SYT16: variants seen among roughly 807,000 people sequenced by gnomAD.
SYT16 encodes synaptotagmin 16, also known as synaptotagmin-16.
A neutral mutation model predicts 61.4 loss-of-function variants in SYT16; 42 were observed. That is an observed-to-expected ratio of 0.68 (90% confidence interval 0.53 to 0.89). The LOEUF is 0.89. Among genes scored for constraint, SYT16 ranks in the 40% least tolerant of loss-of-function variants. The probability of loss-of-function intolerance (pLI) is 0.00; values close to 1 mark genes in which losing one functional copy is unlikely to be tolerated. For synonymous variants in SYT16, 314 were observed against 302.3 expected (o/e 1.04, Z -0.40); for missense variants, 804 against 807.3 (o/e 1.00, Z 0.05).
chr14:62,023,914 T>G (rs866107553), intron 3 of SYT16, among the ~76,000 whole-genome samples: 4 of 152,284 alleles, frequency 2.6e-5, no homozygotes, highest in South Asian at 2.1e-4. Context: ...GGCTGTTTGA[T>G]TCTAAAGTTT....
intron 1 of SYT16, among the ~76,000 whole-genome samples, chr14:61,823,283 G>A (rs560191198): frequency 1.6e-4 from 25 of 152,162 alleles, no homozygotes; most frequent in Admixed American, 1.2e-3. Flanking sequence ...GAGCCACTGC[G>A]CCTGGCCTAT....
intron 2 of SYT16, among the ~76,000 whole-genome samples, chr14:61,976,822 ATTAC>A (rs1055693148): frequency 6.6e-5 from 10 of 151,706 alleles, no homozygotes; most frequent in African/African-American, 2.4e-4. Flanking sequence ...TTGGCTCCTT[ATTAC>A]TTATACAAAT....
At chr14:61,898,485 G>A (rs2048402994) in intron 1 of SYT16, among the ~76,000 whole-genome samples, 2 of 152,222 alleles carry the variant, frequency 1.3e-5, no homozygotes, top group Non-Finnish European at 2.9e-5. Flanking sequence ...CATCCTGGGT[G>A]AGGTTTAGGG....
Position 61,977,004 on chromosome 14 carries a change from G to C in SYT16, c.-145+6693G>C, listed in dbSNP as rs555605498. On this transcript the variant is annotated intron_variant, in intron 2 of 7. Transcript: ENST00000683842. ...TCCCATAGATCTCTAGGACCCTAGG[G>C]CAGGGGCAAAAGGCTGCTAGTCTCT... 4.6e-5 allele frequency among the ~76,000 whole-genome samples: 7 copies of C among 152,228 alleles called. No homozygotes were observed. The East Asian group carries it at 1.4e-3, about 29-fold the overall frequency.
chr14:62,028,010 T>C (rs2054166764), intron 3 of SYT16, among the ~76,000 whole-genome samples: 1 of 152,206 alleles, frequency 6.6e-6, no homozygotes, highest in African/African-American at 2.4e-5. Context: ...GAAAGTGTTA[T>C]TACCCTTATC....
intron 2 of SYT16, among the ~76,000 whole-genome samples, chr14:61,976,421 G>T (rs577324097): frequency 6.6e-6 from 1 of 152,288 alleles, no homozygotes; most frequent in Non-Finnish European, 1.5e-5. Context: ...TCTCACTTCT[G>T]TAGTAGAGGT....
At chr14:61,826,353 G>A (rs892803857) in intron 1 of SYT16, among the ~76,000 whole-genome samples, 5 of 152,086 alleles carry the variant, frequency 3.3e-5, no homozygotes, top group African/African-American at 1.2e-4. Context: ...ACAGACAGTG[G>A]CTCTGGTGTC....
intron 1 of SYT16, among the ~76,000 whole-genome samples, chr14:61,938,588 AT>A: frequency 6.6e-6 from 1 of 152,170 alleles, no homozygotes; most frequent in Non-Finnish European, 1.5e-5. Context: ...GCACAGTGGG[AT>A]AAACCTGGAG....
chr14:62,052,617 A>C (rs2055360327), intron 3 of SYT16, among the ~76,000 whole-genome samples: 1 of 152,172 alleles, frequency 6.6e-6, no homozygotes, highest in Non-Finnish European at 1.5e-5. Context: ...TTACATCCCC[A>C]AAAAACACTC....
chr14:61,860,557 C>G (rs1196599073), intron 1 of SYT16, among the ~76,000 whole-genome samples: 1 of 152,172 alleles, frequency 6.6e-6, no homozygotes, highest in Non-Finnish European at 1.5e-5. Context: ...CTTTTAGAAA[C>G]TGTTATAGCA....
At chr14:62,090,823 C>T (rs539982005) in intron 7 of SYT16, among the ~76,000 whole-genome samples, 8 of 152,144 alleles carry the variant, frequency 5.3e-5, no homozygotes, top group African/African-American at 1.2e-4. Context: ...CACAGTTCCA[C>T]GTGGCTAGGG....
chr14:61,932,138 C>G (rs1290068279), intron 1 of SYT16, among the ~76,000 whole-genome samples: 1 of 152,200 alleles, frequency 6.6e-6, no homozygotes, highest in African/African-American at 2.4e-5. Context: ...CCAGCACACC[C>G]AGCTCCTTCA....
chr14:61,953,287 C>T (rs1452264359), intron 1 of SYT16, among the ~76,000 whole-genome samples: 3 of 152,078 alleles, frequency 2.0e-5, no homozygotes, highest in Non-Finnish European at 4.4e-5. Flanking sequence ...AATTTCTTAC[C>T]TCCTTTTTGT....
intron 1 of SYT16, among the ~76,000 whole-genome samples, chr14:61,954,056 A>G (rs2050774295): frequency 6.6e-6 from 1 of 152,214 alleles, no homozygotes; most frequent in Non-Finnish European, 1.5e-5. Context: ...CAAAGATGGG[A>G]GGGATCTATA....
At chr14:61,947,766 A>G (rs768641057) in intron 1 of SYT16, among the ~76,000 whole-genome samples, 7 of 152,200 alleles carry the variant, frequency 4.6e-5, no homozygotes, top group African/African-American at 7.2e-5. Flanking sequence ...ACTAACAATG[A>G]TGCACTTAAA....
At chr14:61,903,593 T>C (rs1336388651) in intron 1 of SYT16, among the ~76,000 whole-genome samples, 3 of 152,234 alleles carry the variant, frequency 2.0e-5, no homozygotes, top group African/African-American at 7.2e-5. Context: ...TAATATATCC[T>C]TAATGCTTAG....
intron 1 of SYT16, among the ~76,000 whole-genome samples, chr14:61,839,924 G>T (rs762428063): frequency 1.3e-5 from 2 of 150,366 alleles, no homozygotes; most frequent in Non-Finnish European, 3.0e-5. Context: ...GAGGGGAGGG[G>T]AGCAGAAGAG....
rs1194663133 is a variant in SYT16 at position 61,873,464 on chromosome 14, T to C, written c.-325+60654T>C. 3.3e-5 allele frequency among the ~76,000 whole-genome samples: 5 copies of C among 152,228 alleles called. No individual in the cohort carries two copies. The East Asian group carries it at 7.7e-4, about 23-fold the overall frequency. Reference sequence around the variant, plus strand: ...TTTCCACCAGAGCCCTGGCTGCCACTGGCCCCTTCCTTCGTACTTACTGCC... The same window carrying C: ...TTTCCACCAGAGCCCTGGCTGCCACCGGCCCCTTCCTTCGTACTTACTGCC... On this transcript the variant is annotated intron_variant, in intron 1 of 7. Coordinates refer to ENST00000683842, the MANE Select transcript of SYT16 (RefSeq NM_001367656.1).
chr14:62,068,231 GA>G (rs931566823), intron 3 of SYT16, among the ~76,000 whole-genome samples: 22 of 149,188 alleles, frequency 1.5e-4, no homozygotes, highest in African/African-American at 4.5e-4. Context: ...TATTGACAAT[GA>G]AAAAAAAATT....
Sources: allele counts gnomAD v4.1 joint callset (sites outside exome capture counted in the v4.1 genomes callset), GRCh38; gene constraint gnomAD v4.1.1; transcripts MANE v1.5; gene names NCBI Gene and HGNC (gene_info 2026-07-23, HGNC 2026-07-21).